GRIK1: variants seen among roughly 807,000 people sequenced by gnomAD.
GRIK1 encodes glutamate ionotropic receptor kainate type subunit 1, also known as glutamate receptor ionotropic, kainate 1.
GRIK1 carries 69 observed loss-of-function variants against 105.7 expected under a neutral mutation model. That is an observed-to-expected ratio of 0.65 (90% CI 0.54 to 0.80). The LOEUF is 0.80. GRIK1 is among the 30% of genes least tolerant of loss of function. GRIK1 has a pLI of 0.00. For synonymous variants in GRIK1, 438 were observed against 431.3 expected, an observed-to-expected ratio of 1.02 and a Z score of -0.19; for missense variants, 1,109 against 1,167.3, an observed-to-expected ratio of 0.95 and a Z score of 0.73.
chr21:29,576,102 A>C (rs1346438362), intron 14 of GRIK1, among the ~76,000 whole-genome samples: 1 of 152,066 alleles, frequency 6.6e-6, no homozygotes, highest in East Asian at 1.9e-4. Context: ...GACTTGGAGC[A>C]GGTAATTTAG....
chr21:29,876,013 T>A (rs2069178382), intron 1 of GRIK1, among the ~76,000 whole-genome samples: 1 of 152,128 alleles, frequency 6.6e-6, no homozygotes, highest in South Asian at 2.1e-4. Context: ...GAAATGGTGA[T>A]ATAATTCTTA....
At chr21:29,848,133 C>A (rs2068184815) in intron 1 of GRIK1, among the ~76,000 whole-genome samples, 1 of 152,152 alleles carries the variant, frequency 6.6e-6, no homozygotes, top group Non-Finnish European at 1.5e-5. Flanking sequence ...TTTGCCTTGG[C>A]AACGACTTTA....
At chr21:29,658,610 T>G (rs1246461863) in intron 4 of GRIK1, among the ~76,000 whole-genome samples, 1 of 152,238 alleles carries the variant, frequency 6.6e-6, no homozygotes, top group East Asian at 1.9e-4. Flanking sequence ...CTTTTGACAT[T>G]ATATCATTGA....
Position 29,553,792 on chromosome 21 carries a change from A to G in GRIK1, c.2607+1260T>C, listed in dbSNP as rs901499499. On this transcript the variant is annotated intron_variant, in intron 16 of 17. Transcript: ENST00000327783. ...ATGTTTAAATGAAAATTTACATCAC[A>G]TGAAGCTGGCAACTATGAAAAGCAC... The G allele has an allele frequency of 2.2e-5, 20 of 909,588 alleles. No homozygotes were observed. In the South Asian group the frequency reaches 3.3e-4, roughly 15 times the overall value. 56.3% of individuals were successfully genotyped at this position (909,588 alleles called of 1,614,324 possible). A position where few individuals can be genotyped will look rare whatever the true frequency, so the allele number is the denominator to read the frequency against.
At chr21:29,629,438 TA>T (rs915324536) in intron 7 of GRIK1, among the ~76,000 whole-genome samples, 6 of 151,946 alleles carry the variant, frequency 3.9e-5, no homozygotes, top group African/African-American at 1.5e-4. Flanking sequence ...AAAAGTTTGC[TA>T]AATGGGTTGT....
At chr21:29,556,642 T>A (rs1465514578) in intron 15 of GRIK1, among the ~76,000 whole-genome samples, 1 of 152,138 alleles carries the variant, frequency 6.6e-6, no homozygotes, top group Non-Finnish European at 1.5e-5. Flanking sequence ...TTCTAGCCAA[T>A]AGGAACTAAG....
chr21:29,727,256 G>A lies in GRIK1; in HGVS notation c.119-33193C>T, dbSNP rs114542997. ...GTCAATTTTTAGAAGTGGAGCAAAG[G>A]ATAGGAACATATTTTTAGGGATTTA... On this transcript the variant is annotated intron_variant, in intron 1 of 17. Transcript: ENST00000327783. 2.6e-3 allele frequency among the ~76,000 whole-genome samples: 399 copies of A among 152,220 alleles called. 3 individuals carry two copies. Among genetic ancestry groups the A allele is most frequent in the African/African-American group, 9.1e-3 (380 of 41,534 alleles).
intron 1 of GRIK1, among the ~76,000 whole-genome samples, chr21:29,778,426 A>T (rs2066004172): frequency 6.6e-6 from 1 of 152,128 alleles, no homozygotes; most frequent in Non-Finnish European, 1.5e-5. Flanking sequence ...CCTTGCGGCG[A>T]CTCAGTGCTT....
chr21:29,539,430 G>A (rs749789991), intron 16 of GRIK1, among the ~76,000 whole-genome samples: 6 of 152,230 alleles, frequency 3.9e-5, no homozygotes, highest in South Asian at 2.1e-4. Flanking sequence ...ATTGAATACC[G>A]TGCTGAAAGT....
At chr21:29,841,220 A>C (rs966284126) in intron 1 of GRIK1, among the ~76,000 whole-genome samples, 15 of 152,192 alleles carry the variant, frequency 9.9e-5, no homozygotes, top group Admixed American at 8.5e-4. Flanking sequence ...CTGTCAATAG[A>C]AAATCAATAT....
At position 29,655,408 on chromosome 21, in the gene GRIK1, CA is replaced by C. The variant is rs542773946; in HGVS notation, c.727-546del. Among the ~76,000 whole-genome samples, 950 of 135,596 alleles carry C rather than the reference CA, an allele frequency of 7.0e-3. 3 individuals are homozygous for C. The highest frequency in any genetic ancestry group is 9.8e-3 in the South Asian group (42 of 4,270). The allele number at this position is 135,596 out of a possible 152,430, so 89.0% of individuals were successfully genotyped here. A position where few individuals can be genotyped will look rare whatever the true frequency, so the allele number is the denominator to read the frequency against. On this transcript the variant is annotated intron_variant, in intron 4 of 17. Transcript: ENST00000327783. Reference sequence around the variant, plus strand: ...GGGCAACAAGAGGGAAACTCCGTCTCAAAAAAAAAAAAATAGTTTGTACTAA... The same window carrying C: ...GGGCAACAAGAGGGAAACTCCGTCTCAAAAAAAAAAAATAGTTTGTACTAA...
At chr21:29,700,989 A>G (rs1298557385) in intron 1 of GRIK1, among the ~76,000 whole-genome samples, 3 of 152,246 alleles carry the variant, frequency 2.0e-5, no homozygotes, top group Non-Finnish European at 4.4e-5. Flanking sequence ...GTAATGGTAA[A>G]TATATTCCAA....
chr21:29,924,131 A>G (rs2071276753), intron 1 of GRIK1, among the ~76,000 whole-genome samples: 1 of 152,088 alleles, frequency 6.6e-6, no homozygotes. Flanking sequence ...CGAGGTCAGG[A>G]GTTCAAGACC....
At chr21:29,644,358 A>G (rs1350264311) in intron 6 of GRIK1, among the ~76,000 whole-genome samples, 1 of 152,178 alleles carries the variant, frequency 6.6e-6, no homozygotes, top group African/African-American at 2.4e-5. Context: ...AATTTAAGTT[A>G]GCTTTGGTGA....
At chr21:29,675,075 A>C (rs535845012) in intron 3 of GRIK1, among the ~76,000 whole-genome samples, 1 of 152,338 alleles carries the variant, frequency 6.6e-6, no homozygotes, top group Non-Finnish European at 1.5e-5. Context: ...CTTTGAAATA[A>C]TCCTATGATG....
intron 1 of GRIK1, among the ~76,000 whole-genome samples, chr21:29,772,950 T>G (rs543986968): frequency 1.2e-3 from 178 of 152,278 alleles, no homozygotes; most frequent in Non-Finnish European, 2.3e-3. Context: ...GATTGGAAAA[T>G]TTTTTAACCT....
intron 9 of GRIK1, among the ~76,000 whole-genome samples, chr21:29,593,400 C>A (rs1050445256): frequency 2.0e-5 from 3 of 152,186 alleles, no homozygotes; most frequent in African/African-American, 7.2e-5. Flanking sequence ...GCTTTAGACT[C>A]AGGAAAAGTG....
At chr21:29,932,861 T>C (rs1281051923) in intron 1 of GRIK1, among the ~76,000 whole-genome samples, 27 of 151,714 alleles carry the variant, frequency 1.8e-4, no homozygotes, top group Non-Finnish European at 7.4e-5. Context: ...CTGGAAAAGA[T>C]ATTTTAAGTC....
chr21:29,658,853 A>G (rs1392576822), intron 4 of GRIK1, among the ~76,000 whole-genome samples: 2 of 152,202 alleles, frequency 1.3e-5, no homozygotes, highest in East Asian at 1.9e-4. Context: ...TGATTCTGAC[A>G]TATGTCACTC....
Sources: allele counts gnomAD v4.1 joint callset (sites outside exome capture counted in the v4.1 genomes callset), GRCh38; gene constraint gnomAD v4.1.1; transcripts MANE v1.5; gene names NCBI Gene and HGNC (gene_info 2026-07-23, HGNC 2026-07-21).